MADD: variants seen among roughly 807,000 people sequenced by gnomAD.
The protein encoded by MADD is MAP kinase-activating death domain protein.
MADD carries 109 observed loss-of-function variants against 176.7 expected under a neutral mutation model. The ratio of observed to expected loss-of-function variants is 0.62; its 90% CI spans 0.53 to 0.72. The LOEUF (loss-of-function observed/expected upper bound fraction) is 0.72. MADD is among the 30% of genes least tolerant of loss of function. The pLI is 0.00. For missense variants in MADD, 1,914 were observed against 2,045.5 expected, an observed-to-expected ratio of 0.94 and a Z score of 1.24; for synonymous variants, 771 against 771.3, an observed-to-expected ratio of 1.00 and a Z score of 0.01.
At chr11:47,328,585 C>T (rs775735745) in intron 31 of MADD, 73 bp from the exon 36 acceptor site, 125 of 1,605,866 alleles carry the variant, frequency 7.8e-5, no homozygotes, top group East Asian at 1.1e-4. Flanking sequence ...CGGGCGCTGC[C>T]GCCTGGGGGA....
chr11:47,312,235 T>G (rs74236439), intron 26 of MADD, among the ~76,000 whole-genome samples: 25,130 of 151,864 alleles, frequency 0.17, 3,168 homozygotes, highest in East Asian at 0.6. Context: ...ATACTCTCAG[T>G]TTTTCGTTTT....
At chr11:47,297,435 G>A (rs191319758) in intron 22 of MADD, among the ~76,000 whole-genome samples, 5 of 151,192 alleles carry the variant, frequency 3.3e-5, no homozygotes, top group African/African-American at 1.2e-4. Context: ...TTTATTAGGG[G>A]TTTTCTTTTC....
chr11:47,275,406 C>T (rs2048777385), intron 3 of MADD, among the ~76,000 whole-genome samples: 1 of 152,206 alleles, frequency 6.6e-6, no homozygotes, highest in Non-Finnish European at 1.5e-5. Context: ...ATCCTTCTGC[C>T]TCAGCCTCCC....
chr11:47,286,820 C>T (rs181207542), intron 15 of MADD, among the ~76,000 whole-genome samples: 18 of 152,294 alleles, frequency 1.2e-4, no homozygotes, highest in South Asian at 4.1e-4. Flanking sequence ...ACATAGGGAT[C>T]ATCAGCTGCC....
At chr11:47,286,843 C>T (rs1033916668) in intron 15 of MADD, among the ~76,000 whole-genome samples, 7 of 152,196 alleles carry the variant, frequency 4.6e-5, no homozygotes, top group Non-Finnish European at 1.0e-4. Context: ...CAGTCGTCTG[C>T]TGGGTTGCCA....
intron 6 of MADD, 134 bp from the exon 7 acceptor site, chr11:47,278,861 ATCTT>A (rs2053303538): frequency 3.2e-6 from 2 of 634,180 alleles, no homozygotes; most frequent in African/African-American, 1.8e-5. Flanking sequence ...GTGTACATAT[ATCTT>A]ACTGTGCAGT....
At chr11:47,284,865 A>C in intron 12 of MADD, 76 bp from the exon 13 acceptor site, 1 of 1,579,664 alleles carries the variant, frequency 6.3e-7, no homozygotes. Context: ...GGCCTGGTCC[A>C]GCCCTGCCAA....
chr11:47,298,392 G>A (rs753749994), intron 22 of MADD, among the ~76,000 whole-genome samples: 45 of 152,214 alleles, frequency 3.0e-4, no homozygotes, highest in African/African-American at 7.2e-4. Flanking sequence ...AAATGGAAGC[G>A]GCAGTGAGAA....
At chr11:47,278,838 A>G (rs1029694569) in intron 6 of MADD, among the ~76,000 whole-genome samples, 161 bp from the exon 7 acceptor site, 5 of 152,256 alleles carry the variant, frequency 3.3e-5, no homozygotes, top group Admixed American at 2.6e-4. Context: ...ATGCATATGT[A>G]TGTCATATAT....
At chr11:47,319,129 ATAATT>A (rs2093873637) in intron 27 of MADD, among the ~76,000 whole-genome samples, 1 of 129,394 alleles carries the variant, frequency 7.7e-6, no homozygotes. Context: ...ATATATATAT[ATAATT>A]TTTTTTTTTT....
intron 19 of MADD, among the ~76,000 whole-genome samples, chr11:47,293,312 T>G (rs1390892843): frequency 6.6e-6 from 1 of 151,708 alleles, no homozygotes; most frequent in Non-Finnish European, 1.5e-5. Context: ...TTCTTTTTTT[T>G]TTTTTTTGAG....
chr11:47,319,664 G>GT (rs1397372314), intron 27 of MADD, among the ~76,000 whole-genome samples: 2 of 152,082 alleles, frequency 1.3e-5, no homozygotes, highest in Admixed American at 6.6e-5. Context: ...ATGGAATTTT[G>GT]TTTTTGCACT....
intron 22 of MADD, among the ~76,000 whole-genome samples, chr11:47,300,097 G>A (rs1038916763): frequency 1.3e-5 from 2 of 151,718 alleles, no homozygotes; most frequent in Non-Finnish European, 2.9e-5. Flanking sequence ...ATGAAGGAAT[G>A]TTGACTTTTA....
chr11:47,286,732 C>T (rs868271040), intron 15 of MADD, among the ~76,000 whole-genome samples, 198 bp downstream of exon 15: 18 of 152,182 alleles, frequency 1.2e-4, no homozygotes, highest in Middle Eastern at 3.2e-3. Context: ...AGAGACGGCC[C>T]TGTTATGTCA....
At chr11:47,298,526 AT>A (rs1402367268) in intron 22 of MADD, among the ~76,000 whole-genome samples, 1 of 152,118 alleles carries the variant, frequency 6.6e-6, no homozygotes, top group Non-Finnish European at 1.5e-5. Context: ...TTTTAAATAG[AT>A]TATTTGTGTT....
At chr11:47,298,049 A>G (rs1593430143) in intron 22 of MADD, among the ~76,000 whole-genome samples, 1 of 152,024 alleles carries the variant, frequency 6.6e-6, no homozygotes, top group Non-Finnish European at 1.5e-5. Context: ...CGGCCTCCCA[A>G]AATGCTGGGA....
At chr11:47,323,977 G>C in intron 28 of MADD, 142 bp downstream of exon 31, 1 of 938,750 alleles carries the variant, frequency 1.1e-6, no homozygotes, top group Non-Finnish European at 1.6e-6. Context: ...ACCTAAAGCT[G>C]TCTCTGTCAA....
rs1227552429 is a variant in MADD at position 47,325,715 on chromosome 11, G to A, written c.4543-1023G>A. Reference sequence around the variant, plus strand: ...CACAAAGGTGTCAGTACTTCTTGGGGAGCAGACTTCTGACCACATTTTAGC... The same window carrying A: ...CACAAAGGTGTCAGTACTTCTTGGGAAGCAGACTTCTGACCACATTTTAGC... On this transcript the variant is annotated intron_variant, in intron 30 of 32. Transcript: ENST00000402192. The surrounding 1 kb of genome is among the most constrained non-coding windows in gnomAD (Gnocchi z 4.5). Among the ~76,000 whole-genome samples the A allele has an allele frequency of 6.6e-6, 1 of 152,250 alleles. No individual in the cohort carries two copies. The highest frequency in any genetic ancestry group is 1.5e-5 in the Non-Finnish European group (1 of 68,044).
intron 19 of MADD, among the ~76,000 whole-genome samples, chr11:47,292,112 G>A (rs11601716): frequency 1.0e-3 from 155 of 152,272 alleles, no homozygotes; most frequent in Non-Finnish European, 1.7e-3. Context: ...GTGTTCATCT[G>A]TCTCATCTGG....
Sources: gnomAD v4.1 joint callset for allele counts (sites outside exome capture counted in the v4.1 genomes callset) on GRCh38, gnomAD v4.1.1 for gene constraint, Gnocchi (gnomAD v3.1) non-coding constraint, MANE v1.5 for transcripts, NCBI Gene and HGNC (gene_info 2026-07-23, HGNC 2026-07-21) for gene names.